SQSTM1: variants seen among roughly 807,000 people sequenced by gnomAD.
The protein encoded by SQSTM1 is sequestosome-1.
Under a neutral mutation model 45.1 loss-of-function variants are expected in SQSTM1, and 36 were observed. That is an observed-to-expected ratio of 0.80 (90% CI 0.61 to 1.05). The LOEUF is 1.05. Among genes scored for constraint, SQSTM1 ranks in the 50% least tolerant of loss-of-function variants. The pLI is 0.00. For synonymous variants in SQSTM1, 290 were observed against 244.3 expected (o/e 1.19, Z -1.74); for missense variants, 617 against 607.1 (o/e 1.02, Z -0.17).
chr5:179,806,593 T>A lies in SQSTM1; in HGVS notation c.-157+2T>A, dbSNP rs556009554. 2.8e-4 allele frequency: 351 copies of A among 1,233,490 alleles called. 7 individuals are homozygous for A. In the South Asian group the frequency reaches 5.8e-3, roughly 20 times the overall value. 76.4% of individuals were successfully genotyped at this position (1,233,490 alleles called of 1,614,324 possible). ...CATTGCGGAGCCTCATCTCCTCGGG[T>A]GCGCGGCGGGCGCCCGCGGGGCCGA... On this transcript the variant is annotated splice_donor_variant, in intron 1 of 5. Coordinates refer to the SQSTM1 transcript ENST00000514093. LOFTEE classifies it low-confidence loss of function (5UTR_SPLICE). The surrounding 1 kb of genome is among the most constrained non-coding windows in gnomAD (Gnocchi z 4.6).
chr5:179,806,457 A>G lies in SQSTM1; in HGVS notation c.-291A>G. ...CCCGCCGCCGACGCCCAGGTGCGCC[A>G]GGTGCGGGCCGGGCGGGGGTCGCGC... On this transcript the variant is annotated 5_prime_UTR_variant, in exon 1 of 6. Coordinates refer to the SQSTM1 transcript ENST00000514093. The surrounding 1 kb of genome is among the most constrained non-coding windows in gnomAD (Gnocchi z 4.6). 1 of 1,216,772 alleles carries G rather than the reference A, an allele frequency of 8.2e-7. No individual in the cohort carries two copies. The highest frequency in any genetic ancestry group is 1.1e-6 in the Non-Finnish European group (1 of 951,938). 75.4% of individuals were successfully genotyped at this position (1,216,772 alleles called of 1,614,324 possible). A position where few individuals can be genotyped will look rare whatever the true frequency, so the allele number is the denominator to read the frequency against.
intron 5 of SQSTM1, among the ~76,000 whole-genome samples, chr5:179,826,598 G>GTTTTTTTTT (rs549477595): frequency 7.0e-6 from 1 of 142,252 alleles, no homozygotes. Context: ...TCGCTAGTCT[G>GTTTTTTTTT]TTTTTTTTTT....
chr5:179,824,429 C>T (rs1757918692), intron 4 of SQSTM1, 106 bp downstream of exon 4: 2 of 1,503,446 alleles, frequency 1.3e-6, no homozygotes, highest in Non-Finnish European at 1.8e-6. Flanking sequence ...TTCAGGATAC[C>T]CCCCACCTTC....
chr5:179,812,109 T>A (rs964467964), intron 2 of SQSTM1: 1 of 152,128 alleles, frequency 6.6e-6, no homozygotes, highest in African/African-American at 2.4e-5. Context: ...CACCCCTCCA[T>A]GAAGAAAGTT....
upstream of SQSTM1, among the ~76,000 whole-genome samples, chr5:179,817,290 C>T (rs1178446108): frequency 6.6e-6 from 1 of 152,228 alleles, no homozygotes; most frequent in Non-Finnish European, 1.5e-5. Flanking sequence ...GGCTGTGGTT[C>T]CTGCTCCGCG....
chr5:179,832,167 G>A (rs79300356), intron 5 of SQSTM1, among the ~76,000 whole-genome samples: 1,981 of 152,346 alleles, frequency 0.013, 41 homozygotes, highest in African/African-American at 0.045. Flanking sequence ...TAGGAAGTGC[G>A]CAGATGTGAA....
At position 179,833,592 on chromosome 5, in the gene SQSTM1, G is replaced by C. The variant is rs1166265703; in HGVS notation, c.975G>C (p.Gln325His). 6.2e-7 allele frequency: 1 copy of C among 1,614,232 alleles called. No homozygotes were observed. The highest frequency in any genetic ancestry group is 2.2e-5 in the East Asian group (1 of 44,888). Reference sequence around the variant, plus strand: ...CATGGTGAGTTTTGTTCCAGGAACAGATGGAGTCGGATAACTGTTCAGGAG... The same window carrying C: ...CATGGTGAGTTTTGTTCCAGGAACACATGGAGTCGGATAACTGTTCAGGAG... ...ALESEGRPEE[Q>H]MESDNCSGGD... The change falls in exon 7 of 8, where the codon CAG becomes CAC. Residue 325 changes from glutamine to histidine, a missense_variant. Gln to His is a conservative substitution (Grantham distance 24). Transcript: ENST00000389805.
At chr5:179,834,440 A>G (rs1362032357) in intron 7 of SQSTM1, among the ~76,000 whole-genome samples, 2 of 145,962 alleles carry the variant, frequency 1.4e-5, no homozygotes, top group Non-Finnish European at 3.0e-5. Context: ...TTTATTGATC[A>G]TTCTTGGGTG....
At chr5:179,829,521 GA>G (rs1758127768) in intron 5 of SQSTM1, among the ~76,000 whole-genome samples, 1 of 152,164 alleles carries the variant, frequency 6.6e-6, no homozygotes, top group African/African-American at 2.4e-5. Flanking sequence ...AGATACAAAA[GA>G]GCATTGTCTG....
intron 1 of SQSTM1, chr5:179,808,126 C>T (rs1384589954): frequency 6.6e-6 from 1 of 152,340 alleles, no homozygotes; most frequent in Non-Finnish European, 1.5e-5. Context: ...CTGCAGGGAC[C>T]TCTGCCCCAC....
upstream of SQSTM1, among the ~76,000 whole-genome samples, chr5:179,816,112 G>T (rs549718647): frequency 5.9e-5 from 9 of 152,292 alleles, no homozygotes; most frequent in East Asian, 1.7e-3. Flanking sequence ...AGCATTGGGA[G>T]CAAGAAGGGT....
intron 7 of SQSTM1, among the ~76,000 whole-genome samples, chr5:179,834,250 GTGGGGA>G (rs1758398428): frequency 2.2e-5 from 2 of 92,204 alleles, no homozygotes; most frequent in Admixed American, 2.2e-4. Flanking sequence ...GGGGTGGGGG[GTGGGGA>G]CAGCTGACAG....
chr5:179,813,570 C>T (rs1757498095), intron 2 of SQSTM1: 1 of 151,896 alleles, frequency 6.6e-6, no homozygotes, highest in Non-Finnish European at 1.5e-5. Flanking sequence ...GTGGTTAACA[C>T]AGCGAGACCC....
intron 5 of SQSTM1, among the ~76,000 whole-genome samples, chr5:179,830,263 TAAAG>T (rs879942655): frequency 6.6e-6 from 1 of 152,168 alleles, no homozygotes; most frequent in Non-Finnish European, 1.5e-5. Context: ...ACCCTGAGGA[TAAAG>T]AAAGAGGGGC....
chr5:179,835,929 T>C (rs1343437319), intron 7 of SQSTM1: 3 of 220,910 alleles, frequency 1.4e-5, no homozygotes, highest in African/African-American at 6.8e-5. Flanking sequence ...GCAGTTAGGT[T>C]GGTTCCACAT....
chr5:179,821,114 C>T lies in SQSTM1; in HGVS notation c.178C>T (p.Pro60Ser), dbSNP rs1411304344. 2.2e-6 allele frequency: 3 copies of T among 1,387,232 alleles called. No homozygotes were observed. Among genetic ancestry groups the T allele is most frequent in the Non-Finnish European group, 2.8e-6 (3 of 1,074,226 alleles). The allele number at this position is 1,387,232 out of a possible 1,614,324, so 85.9% of individuals were successfully genotyped here. The change falls in exon 1 of 8, where the codon CCT becomes TCT. Residue 60 changes from proline to serine, a missense_variant. Pro to Ser is a moderately conservative substitution (Grantham distance 74). Coordinates refer to ENST00000389805, the MANE Select transcript of SQSTM1 (RefSeq NM_003900.5). ...GGCCGCCCTGTTCCCCGCGCTGCGG[C>T]CTGGCGGCTTCCAGGCGCACTACCG... ...RVAALFPALRPGGFQAHYRDE... is the reference protein window; with the variant it reads ...RVAALFPALRSGGFQAHYRDE...
chr5:179,827,445 C>T (rs777265986), intron 5 of SQSTM1, among the ~76,000 whole-genome samples: 7 of 152,174 alleles, frequency 4.6e-5, no homozygotes, highest in Non-Finnish European at 8.8e-5. Flanking sequence ...CCACCACGCC[C>T]GGCTAGTTTT....
intron 1 of SQSTM1, among the ~76,000 whole-genome samples, chr5:179,810,763 C>T (rs961345884): frequency 6.6e-6 from 1 of 152,244 alleles, no homozygotes; most frequent in East Asian, 1.9e-4. Context: ...TTCTCCACAT[C>T]CTCTCCAGCA....
chr5:179,823,648 T>C, intron 2 of SQSTM1: 2 of 600,460 alleles, frequency 3.3e-6, no homozygotes, highest in Non-Finnish European at 5.9e-6. Flanking sequence ...GCTGCTCTGC[T>C]GCCTGGGCCA....
Sources: gnomAD v4.1 joint callset for allele counts (sites outside exome capture counted in the v4.1 genomes callset) on GRCh38, gnomAD v4.1.1 for gene constraint, Gnocchi (gnomAD v3.1) non-coding constraint, MANE v1.5 for transcripts, NCBI Gene and HGNC (gene_info 2026-07-23, HGNC 2026-07-21) for gene names.